YWHAE: variants seen among roughly 807,000 people sequenced by gnomAD.
YWHAE encodes tyrosine 3-monooxygenase/tryptophan 5-monooxygenase activation protein epsilon.
In YWHAE, 4 loss-of-function variants were observed where a neutral mutation model predicts 30.1. That is an observed-to-expected ratio of 0.13 (90% CI 0.07 to 0.30). The LOEUF is 0.30. YWHAE is among the 10% of genes least tolerant of loss of function. YWHAE has a pLI of 1.00. For missense variants in YWHAE, 121 were observed against 315.9 expected, an observed-to-expected ratio of 0.38 and a Z score of 4.68; for synonymous variants, 118 against 111.8, an observed-to-expected ratio of 1.06 and a Z score of -0.35.
At chr17:1,370,276 G>A (rs1051919540) in intron 1 of YWHAE, among the ~76,000 whole-genome samples, 5 of 151,602 alleles carry the variant, frequency 3.3e-5, no homozygotes, top group African/African-American at 1.2e-4. Flanking sequence ...ACAGGCGCCC[G>A]TCACCATGCC....
At chr17:1,381,730 A>T (rs1229395360) in intron 1 of YWHAE, among the ~76,000 whole-genome samples, 1 of 151,842 alleles carries the variant, frequency 6.6e-6, no homozygotes, top group African/African-American at 2.4e-5. Context: ...AGCCTAGGAG[A>T]CATGGCGAAA....
At chr17:1,352,723 C>T (rs1297607811) in intron 5 of YWHAE, among the ~76,000 whole-genome samples, 1 of 152,114 alleles carries the variant, frequency 6.6e-6, no homozygotes, top group African/African-American at 2.4e-5. Context: ...GACGGGGTTT[C>T]CCCGTGTTAG....
intron 5 of YWHAE, among the ~76,000 whole-genome samples, chr17:1,350,648 G>A (rs1264092236): frequency 6.6e-6 from 1 of 151,460 alleles, no homozygotes; most frequent in Admixed American, 6.6e-5. Context: ...CTCCATGTTG[G>A]TCAGGCTGGT....
chr17:1,399,368 A>G (rs1216785188), intron 1 of YWHAE: 1 of 152,428 alleles, frequency 6.6e-6, no homozygotes, highest in Admixed American at 6.5e-5. Flanking sequence ...CCTACGGGAA[A>G]GAAACCCGAT....
chr17:1,375,850 ATGT>A (rs1413533178), intron 1 of YWHAE, among the ~76,000 whole-genome samples: 1 of 152,174 alleles, frequency 6.6e-6, no homozygotes, highest in Non-Finnish European at 1.5e-5. Context: ...TCTTTCAACT[ATGT>A]TGTTCATTCA....
intron 1 of YWHAE, among the ~76,000 whole-genome samples, chr17:1,394,956 G>A (rs1030831015): frequency 2.6e-5 from 4 of 152,092 alleles, no homozygotes; most frequent in Non-Finnish European, 4.4e-5. Context: ...GACAGAGCAA[G>A]ACTGTCTCAA....
At chr17:1,350,966 G>A (rs1315239558) in intron 5 of YWHAE, among the ~76,000 whole-genome samples, 3 of 151,974 alleles carry the variant, frequency 2.0e-5, no homozygotes, top group African/African-American at 4.8e-5. Flanking sequence ...GGCTGAGGCA[G>A]GAGAATCCTT....
At chr17:1,376,752 G>C (rs1381491386) in intron 1 of YWHAE, among the ~76,000 whole-genome samples, 1 of 152,134 alleles carries the variant, frequency 6.6e-6, no homozygotes, top group African/African-American at 2.4e-5. Context: ...AAAAGGAGCA[G>C]GTCTCCAACT....
chr17:1,399,572 C>T (rs2073532562), intron 1 of YWHAE: 2 of 192,070 alleles, frequency 1.0e-5, no homozygotes, highest in Non-Finnish European at 1.1e-5. Context: ...CCGCCCCCAC[C>T]CGCCATATTT....
chr17:1,374,799 G>T (rs2073099270), intron 1 of YWHAE, among the ~76,000 whole-genome samples: 1 of 152,086 alleles, frequency 6.6e-6, no homozygotes, highest in South Asian at 2.1e-4. Flanking sequence ...TGGTATGTAG[G>T]AGTTGTTCAT....
chr17:1,393,673 C>T (rs1232265503), intron 1 of YWHAE, among the ~76,000 whole-genome samples: 1 of 152,310 alleles, frequency 6.6e-6, no homozygotes, highest in East Asian at 1.9e-4. Context: ...TCAGGTGATC[C>T]GCCCACCTCG....
chr17:1,388,101 GTTTTTTTTTTTGGTTGGT>G lies in YWHAE; in HGVS notation c.64+11928_64+11945del, dbSNP rs1228272313. 2.0e-3 allele frequency among the ~76,000 whole-genome samples: 122 copies of G among 62,336 alleles called. 5 individuals are homozygous for G. The highest frequency in any genetic ancestry group is 0.018 in the South Asian group (36 of 1,974). The allele number at this position is 62,336 out of a possible 152,430, so 40.9% of individuals were successfully genotyped here. Reference sequence around the variant, plus strand: ...CCACCACCACGCCTGGGTAATTTTTGTTTTTTTTTTTGGTTGGTTTTTTTTTTTTTTTTTTTTTTTTAG... The same window carrying G: ...CCACCACCACGCCTGGGTAATTTTTGTTTTTTTTTTTTTTTTTTTTTTTAG... On this transcript the variant is annotated intron_variant, in intron 1 of 5. Transcript: ENST00000264335.
intron 4 of YWHAE, among the ~76,000 whole-genome samples, chr17:1,358,345 T>C (rs2072794149): frequency 6.6e-6 from 1 of 152,050 alleles, no homozygotes; most frequent in Non-Finnish European, 1.5e-5. Context: ...GTTCACGCCA[T>C]TCTCCTGCCT....
At chr17:1,396,167 G>A (rs1047539720) in intron 1 of YWHAE, among the ~76,000 whole-genome samples, 2 of 150,948 alleles carry the variant, frequency 1.3e-5, no homozygotes, top group African/African-American at 4.9e-5. Flanking sequence ...GGTCCTTAAT[G>A]TCAGCACTTT....
chr17:1,380,574 T>C (rs1333969657), intron 1 of YWHAE, among the ~76,000 whole-genome samples: 1 of 152,218 alleles, frequency 6.6e-6, no homozygotes, highest in Admixed American at 6.6e-5. Context: ...TTCAATTAAA[T>C]GTTTAATTTC....
At chr17:1,363,106 C>T (rs1416371353) in intron 2 of YWHAE, among the ~76,000 whole-genome samples, 1 of 152,134 alleles carries the variant, frequency 6.6e-6, no homozygotes, top group African/African-American at 2.4e-5. Flanking sequence ...CTCTCTACTC[C>T]TAGACTTTCA....
intron 4 of YWHAE, among the ~76,000 whole-genome samples, chr17:1,357,510 G>T (rs1335866434): frequency 6.6e-6 from 1 of 151,980 alleles, no homozygotes; most frequent in Non-Finnish European, 1.5e-5. Flanking sequence ...AACCCAGGAG[G>T]CTGAGCTTTC....
intron 1 of YWHAE, among the ~76,000 whole-genome samples, chr17:1,397,653 A>G (rs2073494879): frequency 6.6e-6 from 1 of 151,940 alleles, no homozygotes; most frequent in Non-Finnish European, 1.5e-5. Context: ...ACCTTCTTCC[A>G]CCCCCGACAC....
intron 3 of YWHAE, 65 bp downstream of exon 3, chr17:1,361,837 C>G (rs2150850237): frequency 1.8e-6 from 2 of 1,089,330 alleles, no homozygotes; most frequent in Admixed American, 5.5e-5. Flanking sequence ...CTACATAGAA[C>G]AAAGTTATGG....
Sources: allele counts gnomAD v4.1 joint callset (sites outside exome capture counted in the v4.1 genomes callset), GRCh38; gene constraint gnomAD v4.1.1; transcripts MANE v1.5; gene names NCBI Gene and HGNC (gene_info 2026-07-23, HGNC 2026-07-21).